The following AFF2 variants were observed in gnomAD, a reference collection of about 807,000 sequenced individuals.
AFF2 encodes AF4/FMR2 family member 2.
A neutral mutation model predicts 76.9 loss-of-function variants in AFF2; 14 were observed. That is an observed-to-expected ratio of 0.18 (90% CI 0.12 to 0.28). The LOEUF (loss-of-function observed/expected upper bound fraction) is 0.28. Ranked by LOEUF, AFF2 falls within the 10% of genes least tolerant of loss-of-function variation. AFF2 has a pLI of 1.00. For missense variants in AFF2, 868 were observed against 1,001.1 expected, an observed-to-expected ratio of 0.87 and a Z score of 1.79; for synonymous variants, 398 against 366.7, an observed-to-expected ratio of 1.09 and a Z score of -0.98.
At chrX:148,827,244 C>T (rs1557273026) in intron 4 of AFF2, among the ~76,000 whole-genome samples, 4 of 111,452 alleles carry the variant, frequency 3.6e-5, no homozygotes, top group Non-Finnish European at 7.5e-5. Context: ...GGCTTCTTTC[C>T]ACGAAAATAG....
At chrX:148,870,705 T>G (rs1569556414) in intron 7 of AFF2, among the ~76,000 whole-genome samples, 1 of 112,470 alleles carries the variant, frequency 8.9e-6, no homozygotes, top group Non-Finnish European at 1.9e-5. Flanking sequence ...CACATTCAAG[T>G]TCTGCAGACA....
intron 7 of AFF2, among the ~76,000 whole-genome samples, chrX:148,843,843 G>T (rs1557274514): frequency 9.0e-6 from 1 of 110,857 alleles, no homozygotes; most frequent in Non-Finnish European, 1.9e-5. Context: ...TCCCATTCAT[G>T]AGGGCTCAAC....
chrX:148,795,452 A>G (rs2069955167), intron 3 of AFF2, among the ~76,000 whole-genome samples: 1 of 109,981 alleles, frequency 9.1e-6, no homozygotes, highest in Admixed American at 9.9e-5. Flanking sequence ...TTTCCTTTTC[A>G]GCATAGATTG....
chrX:148,694,990 G>T (rs1425930256), intron 3 of AFF2, among the ~76,000 whole-genome samples: 16 of 108,490 alleles, frequency 1.5e-4, no homozygotes, highest in African/African-American at 5.4e-4. Context: ...TAATTTTTTT[G>T]TCTTTAGTAG....
chrX:148,679,885 C>T (rs1439831432), intron 3 of AFF2, among the ~76,000 whole-genome samples: 1 of 112,223 alleles, frequency 8.9e-6, no homozygotes, highest in Non-Finnish European at 1.9e-5. Context: ...ATAAGCCATT[C>T]ACATGACTTC....
intron 7 of AFF2, among the ~76,000 whole-genome samples, chrX:148,872,315 T>C (rs1557277448): frequency 2.7e-5 from 3 of 111,392 alleles, no homozygotes; most frequent in Non-Finnish European, 5.6e-5. Flanking sequence ...GCAACCAGTC[T>C]CTTTCAGTCT....
At chrX:148,771,113 C>T (rs7876890) in intron 3 of AFF2, among the ~76,000 whole-genome samples, 4,093 of 111,930 alleles carry the variant, frequency 0.037, 189 homozygotes, top group African/African-American at 0.12. Context: ...CTTCCATGAG[C>T]AGAACTTCTC....
intron 16 of AFF2, among the ~76,000 whole-genome samples, chrX:148,974,288 G>A (rs1283756334): frequency 1.8e-5 from 2 of 111,112 alleles, no homozygotes; most frequent in Non-Finnish European, 3.8e-5. Flanking sequence ...GGTAGAAGAA[G>A]AAATAATCCA....
At chrX:148,872,669 T>A (rs1557277485) in intron 7 of AFF2, among the ~76,000 whole-genome samples, 1 of 112,112 alleles carries the variant, frequency 8.9e-6, no homozygotes, top group African/African-American at 3.2e-5. Flanking sequence ...ATAGGCTGGG[T>A]GGCTTAAACA....
intron 7 of AFF2, among the ~76,000 whole-genome samples, chrX:148,869,596 A>G (rs1278759606): frequency 9.0e-6 from 1 of 111,692 alleles, no homozygotes. Flanking sequence ...CTGTAAATAC[A>G]TTGCCTCAGC....
chrX:148,897,269 A>G (rs1376423196), intron 8 of AFF2, among the ~76,000 whole-genome samples: 2 of 21,458 alleles, frequency 9.3e-5, no homozygotes, highest in African/African-American at 2.6e-4. Context: ...ATATATATAT[A>G]TATGTATATG....
intron 2 of AFF2, among the ~76,000 whole-genome samples, chrX:148,657,836 A>T (rs2054268704): frequency 8.9e-6 from 1 of 112,448 alleles, no homozygotes; most frequent in Admixed American, 9.4e-5. Context: ...ATAATGTTCA[A>T]TCAAGATTAC....
At chrX:148,685,526 A>G (rs1341551087) in intron 3 of AFF2, among the ~76,000 whole-genome samples, 1 of 111,816 alleles carries the variant, frequency 8.9e-6, no homozygotes, top group African/African-American at 3.2e-5. Context: ...TATTCTATTA[A>G]GCATTCAGTA....
chrX:148,657,099 G>A (rs1265581167), intron 2 of AFF2, among the ~76,000 whole-genome samples: 1 of 111,441 alleles, frequency 9.0e-6, no homozygotes, highest in African/African-American at 3.3e-5. Context: ...GGAAACTGAG[G>A]TGCACAGAGG....
intron 3 of AFF2, among the ~76,000 whole-genome samples, chrX:148,743,009 G>GT (rs1201614244): frequency 9.0e-6 from 1 of 111,731 alleles, no homozygotes; most frequent in Non-Finnish European, 1.9e-5. Context: ...CTTGACAGAG[G>GT]TAAGTCATGT....
intron 9 of AFF2, among the ~76,000 whole-genome samples, chrX:148,930,250 C>T (rs1364101308): frequency 8.9e-6 from 1 of 112,160 alleles, no homozygotes; most frequent in Non-Finnish European, 1.9e-5. Context: ...CATCAGGTCT[C>T]AACATGCCCT....
intron 1 of AFF2, among the ~76,000 whole-genome samples, chrX:148,591,279 C>T (rs1362266604): frequency 9.0e-6 from 1 of 111,727 alleles, no homozygotes; most frequent in African/African-American, 3.3e-5. Flanking sequence ...GGAAGGAACA[C>T]TTGACTATAT....
intron 9 of AFF2, among the ~76,000 whole-genome samples, chrX:148,913,079 G>A (rs1557282153): frequency 8.9e-6 from 1 of 112,880 alleles, no homozygotes; most frequent in African/African-American, 3.2e-5. Context: ...GGATGCAACA[G>A]GTTCCAGCAA....
chrX:148,855,978 C>T (rs782712120), intron 7 of AFF2, among the ~76,000 whole-genome samples: 5 of 111,761 alleles, frequency 4.5e-5, no homozygotes, highest in Non-Finnish European at 3.8e-5. Flanking sequence ...GTTTGTACTA[C>T]ATTCCAATCT....
Sources: allele counts gnomAD v4.1 joint callset (sites outside exome capture counted in the v4.1 genomes callset), GRCh38; gene constraint gnomAD v4.1.1; transcripts MANE v1.5; gene names NCBI Gene and HGNC (gene_info 2026-07-23, HGNC 2026-07-21).